DPM3: variants seen among roughly 807,000 people sequenced by gnomAD.
DPM3 encodes the protein dolichyl-phosphate mannosyltransferase subunit 3, regulatory.
In DPM3, 7 loss-of-function variants were observed where a neutral mutation model predicts 8.9. The ratio of observed to expected loss-of-function variants is 0.79; its 90% CI spans 0.45 to 1.48. The LOEUF (loss-of-function observed/expected upper bound fraction) is 1.48, where lower values mean the gene tolerates loss of function less well. DPM3 is among the 40% of genes most tolerant of loss of function. DPM3 has a pLI of 0.01. For missense variants in DPM3, 108 were observed against 116.2 expected (o/e 0.93, Z 0.33); for synonymous variants, 41 against 56.3 (o/e 0.73, Z 1.22).
Position 155,140,175 on chromosome 1 carries a change from G to A in DPM3, c.66C>T (p.Thr22=). The change falls in exon 2 of 2, where the codon ACC becomes ACT. Residue 22 remains threonine, a synonymous_variant. Transcript: ENST00000368400. ...GCAGCTCCAGGCCCAAGGCTCCCGTGGTCAGGGCCACCCAGGTGGAGCCCA... is the reference window on the plus strand; with the variant it reads ...GCAGCTCCAGGCCCAAGGCTCCCGTAGTCAGGGCCACCCAGGTGGAGCCCA... The part of the protein sequence containing the change: ...AILGSTWVAL[T]TGALGLELPL... 6.2e-7 allele frequency: 1 copy of A among 1,614,170 alleles called. No homozygotes were observed. Among genetic ancestry groups the A allele is most frequent in the Non-Finnish European group, 8.5e-7 (1 of 1,180,032 alleles).
intron 1 of DPM3, 109 bp downstream of exon 1, chr1:155,140,382 G>C: frequency 1.1e-6 from 1 of 901,308 alleles, no homozygotes; most frequent in Non-Finnish European, 1.8e-6. Flanking sequence ...GTCCGAACTT[G>C]AGTGCCCACA....
In DPM3 at chr1:155,140,514, C is replaced by G. The variant is rs750010864; in HGVS notation, c.-29G>C. 4 of 629,442 alleles carry G rather than the reference C, an allele frequency of 6.4e-6. No individual in the cohort carries two copies. The African/African-American group carries it at 7.3e-5, about 12-fold the overall frequency. 39.0% of individuals were successfully genotyped at this position (629,442 alleles called of 1,614,324 possible). ...ACCTCTACCCCACGTCTCCCCTTCC[C>G]CGCGCGGCCCGGATGTTGGCGTCCG... On this transcript the variant is annotated 5_prime_UTR_variant, in exon 1 of 2. Coordinates refer to ENST00000368400, the MANE Select transcript of DPM3 (RefSeq NM_153741.2).
rs1400664329 is a variant in DPM3 at position 155,139,921 on chromosome 1, A to G, written c.*41T>C. On this transcript the variant is annotated 3_prime_UTR_variant, in exon 2 of 2. Coordinates refer to ENST00000368400, the MANE Select transcript of DPM3 (RefSeq NM_153741.2). Reference sequence around the variant, plus strand: ...AAATAAACTGGCTCTTTAATGGGAAATGGGAGGAAGGGCTGTCCGCACAGG... The same window carrying G: ...AAATAAACTGGCTCTTTAATGGGAAGTGGGAGGAAGGGCTGTCCGCACAGG... The G allele has an allele frequency of 1.9e-6, 3 of 1,560,996 alleles. No homozygotes were observed. The South Asian group carries it at 3.5e-5, about 18-fold the overall frequency.
In DPM3 at chr1:155,139,992, G is replaced by T. The variant is rs193215070; in HGVS notation, c.249C>A (p.Ala83=). Residue 83 remains alanine, a synonymous_variant, in exon 2 of 2, where the codon GCC becomes GCA. Transcript: ENST00000368400. ...AGCGCAGCCCCCTGCGGGCTAAGTCGGCTCGGGCCTCCTGTATCTGGCTCT... is the reference window on the plus strand; with the variant it reads ...AGCGCAGCCCCCTGCGGGCTAAGTCTGCTCGGGCCTCCTGTATCTGGCTCT... ...ELQSQIQEAR[A]DLARRGLRF is the part of the protein sequence containing the mutation. The T allele has an allele frequency of 2.4e-4, 395 of 1,613,198 alleles. No homozygotes were observed. In the East Asian group the frequency reaches 8.2e-3, roughly 33 times the overall value.
At chr1:155,140,437 G>C (rs1201622810) in intron 1 of DPM3, 54 bp downstream of exon 1, 2 of 718,764 alleles carry the variant, frequency 2.8e-6, no homozygotes, top group Non-Finnish European at 5.1e-6. Context: ...CTCTATATTT[G>C]AGACCCACTC....
chr1:155,140,029 G>A lies in DPM3; in HGVS notation c.212C>T (p.Ala71Val), dbSNP rs772066343. ...CTGTATCTGGCTCTGCAGCTCGCGT[G>A]CGGCGTCCTCGCAGTCATGAAAAGT... ...VATFHDCEDA[A>V]RELQSQIQEA... Residue 71 changes from alanine to valine, a missense_variant, in exon 2 of 2, where the codon GCA becomes GTA. Ala to Val is a moderately conservative substitution (Grantham distance 64). Coordinates refer to ENST00000368400, the MANE Select transcript of DPM3 (RefSeq NM_153741.2). 4 of 1,614,038 alleles carry A rather than the reference G, an allele frequency of 2.5e-6. No individual in the cohort carries two copies.
In DPM3 at chr1:155,140,081, G is replaced by A. The variant is rs768184225; in HGVS notation, c.160C>T (p.Leu54=). The A allele has an allele frequency of 6.2e-7, 1 of 1,613,956 alleles. No homozygotes were observed. The highest frequency in any genetic ancestry group is 8.5e-7 in the Non-Finnish European group (1 of 1,180,042). Residue 54 remains leucine (L), a synonymous_variant, in exon 2 of 2, where the codon CTG becomes TTG. Transcript: ENST00000368400. ...GCCACACGATAGCCCACAGTGCCCA[G>A]GGCATAGCAGCCGGCGGACACCAGC... ...YLLVSAGCYA[L]GTVGYRVATF...
rs1415112584 is a variant in DPM3, at chr1:155,139,919, A to G, written c.*43T>C. ...GAAAATAAACTGGCTCTTTAATGGG[A>G]AATGGGAGGAAGGGCTGTCCGCACA... On this transcript the variant is annotated 3_prime_UTR_variant, in exon 2 of 2. Transcript: ENST00000368400. 14 of 1,558,922 alleles carry G rather than the reference A, an allele frequency of 9.0e-6. No homozygotes were observed. The Admixed American group carries it at 1.2e-4, about 13-fold the overall frequency.
rs771131430 is a variant in DPM3, at chr1:155,140,249, C to A, written c.-5-4G>T. ...TGCGCTAATTTCGTCATGGTCACTG[C>A]GAGAGAAGGAAGCAATGCTCCCCTG... On this transcript the variant is annotated splice_polypyrimidine_tract_variant and splice_region_variant and intron_variant, in intron 1 of 1. Coordinates refer to ENST00000368400, the MANE Select transcript of DPM3 (RefSeq NM_153741.2). 1.9e-6 allele frequency: 3 copies of A among 1,613,796 alleles called. No homozygotes were observed. Among genetic ancestry groups the A allele is most frequent in the African/African-American group, 1.3e-5 (1 of 75,022 alleles).
intron 1 of DPM3, 21 bp downstream of exon 1, chr1:155,140,470 C>A (rs950462595): frequency 1.4e-6 from 1 of 705,942 alleles, no homozygotes; most frequent in Non-Finnish European, 2.6e-6. Context: ...CCTCCCCATT[C>A]AGCCTTCAAC....
chr1:155,140,487 T>C lies in DPM3; in HGVS notation c.-6+4A>G. On this transcript the variant is annotated splice_donor_region_variant and intron_variant, in intron 1 of 1. Transcript: ENST00000368400. ...TCCCCATTCAGCCTTCAACCTACACTTACCTCTACCCCACGTCTCCCCTTC... is the reference window on the plus strand; with the variant it reads ...TCCCCATTCAGCCTTCAACCTACACCTACCTCTACCCCACGTCTCCCCTTC... 2 of 681,192 alleles carry C rather than the reference T, an allele frequency of 2.9e-6. No homozygotes were observed. Among genetic ancestry groups the C allele is most frequent in the South Asian group, 1.6e-5 (1 of 64,056 alleles). 42.2% of individuals were successfully genotyped at this position (681,192 alleles called of 1,614,324 possible). A position where few individuals can be genotyped will look rare whatever the true frequency, so the allele number is the denominator to read the frequency against.
In DPM3 at chr1:155,140,034, G is replaced by A. The variant is rs761931137; in HGVS notation, c.207C>T (p.Asp69=). The part of the protein sequence containing the change: ...YRVATFHDCE[D]AARELQSQIQ... The stretch of plus-strand genomic sequence containing the variant: ...TCTGGCTCTGCAGCTCGCGTGCGGC[G>A]TCCTCGCAGTCATGAAAAGTGGCCA... Residue 69 remains aspartate (D), a synonymous_variant, in exon 2 of 2, where the codon GAC becomes GAT. Coordinates refer to ENST00000368400, the MANE Select transcript of DPM3 (RefSeq NM_153741.2). The A allele has an allele frequency of 6.2e-7, 1 of 1,613,980 alleles. No individual in the cohort carries two copies. Among genetic ancestry groups the A allele is most frequent in the South Asian group, 1.1e-5 (1 of 91,076 alleles).
At position 155,140,501 on chromosome 1, in the gene DPM3, C is replaced by G. The variant is rs768131340; in HGVS notation, c.-16G>C. On this transcript the variant is annotated 5_prime_UTR_variant, in exon 1 of 2. Coordinates refer to ENST00000368400, the MANE Select transcript of DPM3 (RefSeq NM_153741.2). ...TCAACCTACACTTACCTCTACCCCA[C>G]GTCTCCCCTTCCCCGCGCGGCCCGG... is the stretch of plus-strand genomic sequence containing the variant. 13 of 651,338 alleles carry G rather than the reference C, an allele frequency of 2.0e-5. No individual in the cohort carries two copies. The highest frequency in any genetic ancestry group is 3.7e-5 in the Non-Finnish European group (13 of 353,464). The allele number at this position is 651,338 out of a possible 1,614,324, so 40.3% of individuals were successfully genotyped here. A position where few individuals can be genotyped will look rare whatever the true frequency, so the allele number is the denominator to read the frequency against.
chr1:155,140,223 C>G lies in DPM3; in HGVS notation c.18G>C (p.Gln6His), dbSNP rs371451995. The stretch of plus-strand genomic sequence containing the variant: ...CCAGGATCGCTAGTCCCCAAAGCCA[C>G]TGCGCTAATTTCGTCATGGTCACTG... The part of the protein sequence containing the change: MTKLA[Q>H]WLWGLAILGS... Residue 6 changes from glutamine (Q) to histidine (H), a missense_variant, in exon 2 of 2, where the codon CAG (glutamine) becomes CAC (histidine). Physicochemically the swap from Gln to His is conservative, Grantham distance 24 (BLOSUM62 0). Transcript: ENST00000368400. 9 of 1,614,040 alleles carry G rather than the reference C, an allele frequency of 5.6e-6. No individual in the cohort carries two copies. Among genetic ancestry groups the G allele is most frequent in the African/African-American group, 2.7e-5 (2 of 74,946 alleles).
Position 155,140,499 on chromosome 1 carries a change from C to A in DPM3, c.-14G>T, listed in dbSNP as rs577202972. The A allele has an allele frequency of 9.2e-6, 6 of 653,864 alleles. No homozygotes were observed. The highest frequency in any genetic ancestry group is 7.3e-5 in the African/African-American group (4 of 54,938). The allele number at this position is 653,864 out of a possible 1,614,324, so 40.5% of individuals were successfully genotyped here. A position where few individuals can be genotyped will look rare whatever the true frequency, so the allele number is the denominator to read the frequency against. On this transcript the variant is annotated 5_prime_UTR_variant, in exon 1 of 2. Transcript: ENST00000368400. The stretch of plus-strand genomic sequence containing the variant: ...CTTCAACCTACACTTACCTCTACCC[C>A]ACGTCTCCCCTTCCCCGCGCGGCCC...
intron 1 of DPM3, 120 bp from the exon 2 acceptor site, chr1:155,140,365 C>T: frequency 9.3e-7 from 1 of 1,081,010 alleles, no homozygotes; most frequent in East Asian, 2.5e-5. Context: ...AATCGCCGAT[C>T]CCAGAGGTCC....
Position 155,140,058 on chromosome 1 carries a change from C to T in DPM3, c.183G>A (p.Val61=), listed in dbSNP as rs1664698169. The T allele has an allele frequency of 6.2e-7, 1 of 1,613,976 alleles. No homozygotes were observed. Among genetic ancestry groups the T allele is most frequent in the South Asian group, 1.1e-5 (1 of 91,084 alleles). The change falls in exon 2 of 2, where the codon GTG becomes GTA. Residue 61 remains valine (V), a synonymous_variant. Transcript: ENST00000368400. ...CGTCCTCGCAGTCATGAAAAGTGGCCACACGATAGCCCACAGTGCCCAGGG... is the reference window on the plus strand; with the variant it reads ...CGTCCTCGCAGTCATGAAAAGTGGCTACACGATAGCCCACAGTGCCCAGGG... ...CYALGTVGYR[V]ATFHDCEDAA... is the part of the protein sequence containing the mutation.
rs141877691 is a variant in DPM3, at chr1:155,140,186, C to T, written c.55G>A (p.Val19Met). Residue 19 changes from valine (V) to methionine (M), a missense_variant, in exon 2 of 2, where the codon GTG becomes ATG. Val to Met is a conservative substitution (Grantham distance 21, BLOSUM62 1). Coordinates refer to ENST00000368400, the MANE Select transcript of DPM3 (RefSeq NM_153741.2). ...CCCAAGGCTCCCGTGGTCAGGGCCA[C>T]CCAGGTGGAGCCCAGGATCGCTAGT... ...WGLAILGSTWVALTTGALGLE... is the reference protein window; with the variant it reads ...WGLAILGSTWMALTTGALGLE... 2 of 1,614,042 alleles carry T rather than the reference C, an allele frequency of 1.2e-6. No individual in the cohort carries two copies. Among genetic ancestry groups the T allele is most frequent in the African/African-American group, 1.3e-5 (1 of 74,932 alleles).
rs566282280 is a variant in DPM3 at position 155,140,448 on chromosome 1, C to T, written c.-6+43G>A. 6.7e-4 allele frequency: 481 copies of T among 713,754 alleles called. 2 individuals carry two copies. In the African/African-American group the frequency reaches 7.1e-3, roughly 11 times the overall value. The allele number at this position is 713,754 out of a possible 1,614,324, so 44.2% of individuals were successfully genotyped here. A position where few individuals can be genotyped will look rare whatever the true frequency, so the allele number is the denominator to read the frequency against. ...CCCCCTCTATATTTGAGACCCACTCCCCATCTCTCGCCCTCCCCATTCAGC... is the reference window on the plus strand; with the variant it reads ...CCCCCTCTATATTTGAGACCCACTCTCCATCTCTCGCCCTCCCCATTCAGC... On this transcript the variant is annotated intron_variant, in intron 1 of 1. Coordinates refer to ENST00000368400, the MANE Select transcript of DPM3 (RefSeq NM_153741.2).
Sources: allele counts gnomAD v4.1 joint callset, GRCh38; gene constraint gnomAD v4.1.1; transcripts MANE v1.5; gene names NCBI Gene and HGNC (gene_info 2026-07-23, HGNC 2026-07-21).